Variants in ZFP69 observed in about 807,000 individuals in gnomAD.
ZFP69 encodes ZFP69 zinc finger protein, also known as zinc finger protein 69 homolog.
ZFP69 carries 35 observed loss-of-function variants against 48.9 expected under a neutral mutation model. The observed-to-expected ratio is 0.72, with a 90% CI of 0.55 to 0.95. The LOEUF is 0.95. ZFP69 is among the 40% of genes least tolerant of loss of function. ZFP69 has a pLI of 0.00. For missense variants in ZFP69, 557 were observed against 638.4 expected, an observed-to-expected ratio of 0.87 and a Z score of 1.37; for synonymous variants, 193 against 216.8, an observed-to-expected ratio of 0.89 and a Z score of 0.96.
chr1:40,479,526 C>T (rs373751785), intron 2 of ZFP69, 38 bp downstream of exon 2: 17 of 1,577,420 alleles, frequency 1.1e-5, no homozygotes, highest in Non-Finnish European at 6.0e-6. Flanking sequence ...AAGGGGATCT[C>T]ATTTGTGTGT....
chr1:40,486,373 C>T (rs1187596625), intron 3 of ZFP69, among the ~76,000 whole-genome samples: 1 of 151,302 alleles, frequency 6.6e-6, no homozygotes, highest in Non-Finnish European at 1.5e-5. Flanking sequence ...GCTCTTTCTC[C>T]CTCCCTGCTT....
rs71060386 is a variant in ZFP69 at position 40,484,883 on chromosome 1, C to CTTTTTTTTT, written c.219+3047_219+3055dup. ...GGCATGAGCCACTGCGCCTGGCCTG[C>CTTTTTTTTT]TTTTTTTTTTTTTTTTTTTTTTTTT... is the stretch of plus-strand genomic sequence containing the variant. On this transcript the variant is annotated intron_variant, in intron 3 of 5. Coordinates refer to ENST00000372706, the MANE Select transcript of ZFP69 (RefSeq NM_001320179.2). Among the ~76,000 whole-genome samples the CTTTTTTTTT allele has an allele frequency of 9.0e-5, 4 of 44,384 alleles. 1 individual carries two copies. The highest frequency in any genetic ancestry group is 3.3e-4 in the African/African-American group (3 of 9,046). 29.1% of individuals were successfully genotyped at this position (44,384 alleles called of 152,430 possible). A position where few individuals can be genotyped will look rare whatever the true frequency, so the allele number is the denominator to read the frequency against.
chr1:40,496,197 A>G lies in ZFP69; in HGVS notation c.*138A>G. The G allele has an allele frequency of 1.3e-6, 1 of 785,860 alleles. No individual in the cohort carries two copies. Among genetic ancestry groups the G allele is most frequent in the Non-Finnish European group, 1.9e-6 (1 of 513,798 alleles). The allele number at this position is 785,860 out of a possible 1,614,324, so 48.7% of individuals were successfully genotyped here. On this transcript the variant is annotated 3_prime_UTR_variant, in exon 6 of 6. Coordinates refer to ENST00000372706, the MANE Select transcript of ZFP69 (RefSeq NM_001320179.2). ...TTTTCCCATTGTAAATAAACATTAC[A>G]TTGACAGGTATTGACTACTAACACC... is the stretch of plus-strand genomic sequence containing the variant.
intron 1 of ZFP69, among the ~76,000 whole-genome samples, chr1:40,478,419 C>A (rs1645411093): frequency 1.3e-5 from 2 of 152,088 alleles, no homozygotes; most frequent in South Asian, 4.2e-4. Flanking sequence ...TTTCTGAAAC[C>A]AAGATGCATC....
At chr1:40,492,615 A>G (rs1344121434) in intron 5 of ZFP69, among the ~76,000 whole-genome samples, 4 of 152,224 alleles carry the variant, frequency 2.6e-5, no homozygotes, top group Non-Finnish European at 5.9e-5. Context: ...TTTGAATTAT[A>G]TAATCAGAGC....
At chr1:40,488,060 T>C (rs1394136849) in intron 3 of ZFP69, among the ~76,000 whole-genome samples, 1 of 142,636 alleles carries the variant, frequency 7.0e-6, no homozygotes, top group African/African-American at 2.6e-5. Context: ...AAAAAAAAAG[T>C]GATCTCTAAG....
At chr1:40,484,315 T>A (rs951062423) in intron 3 of ZFP69, among the ~76,000 whole-genome samples, 7 of 151,468 alleles carry the variant, frequency 4.6e-5, no homozygotes, top group African/African-American at 1.7e-4. Context: ...TTCTCCAGCC[T>A]CAGCCTCCCG....
rs115043751 is a variant in ZFP69 at position 40,495,933 on chromosome 1, T to C, written c.1455T>C (p.His485=). The C allele has an allele frequency of 1.7e-4, 270 of 1,614,106 alleles. 2 individuals are homozygous for C. In the African/African-American group the frequency reaches 3.0e-3, roughly 18 times the overall value. ...GGCATGATTCATCCTTTAAAAAACA[T>C]CAGAGACATCACACTGGAGAAAAAC... The part of the protein sequence containing the change: ...AYRHDSSFKK[H]QRHHTGEKPY... Residue 485 remains histidine (H), a synonymous_variant, in exon 6 of 6, where the codon CAT becomes CAC. Coordinates refer to ENST00000372706, the MANE Select transcript of ZFP69 (RefSeq NM_001320179.2).
chr1:40,491,767 G>A (rs982472970), intron 5 of ZFP69, among the ~76,000 whole-genome samples: 42 of 145,244 alleles, frequency 2.9e-4, no homozygotes, highest in Non-Finnish European at 3.7e-4. Flanking sequence ...GTGTGTATGT[G>A]TGTGTGTGTG....
chr1:40,488,727 C>A (rs1645531985), intron 3 of ZFP69, among the ~76,000 whole-genome samples: 1 of 152,168 alleles, frequency 6.6e-6, no homozygotes, highest in Non-Finnish European at 1.5e-5. Flanking sequence ...TGTCTCCGGT[C>A]AAACATCACC....
In ZFP69 at chr1:40,479,325, C is replaced by A; in HGVS notation, c.-37C>A. On this transcript the variant is annotated 5_prime_UTR_variant, in exon 2 of 6. Transcript: ENST00000372706. ...CTCATCAAGAGCTTCTGGCAATTTC[C>A]TCACCAGAAGTGGACAAGTCCAGTA... 1.2e-6 allele frequency: 2 copies of A among 1,611,382 alleles called. No homozygotes were observed. Among genetic ancestry groups the A allele is most frequent in the Non-Finnish European group, 1.7e-6 (2 of 1,178,838 alleles).
rs1157654577 is a variant in ZFP69, at chr1:40,494,548, G to A, written c.443-373G>A. ...CTCCCAAAGTGCTGGGATTACAGGCGTGAGCCACCGCGCCCGGCCCAAATA... is the reference window on the plus strand; with the variant it reads ...CTCCCAAAGTGCTGGGATTACAGGCATGAGCCACCGCGCCCGGCCCAAATA... On this transcript the variant is annotated intron_variant, in intron 5 of 5. Coordinates refer to ENST00000372706, the MANE Select transcript of ZFP69 (RefSeq NM_001320179.2). Among the ~76,000 whole-genome samples the A allele has an allele frequency of 6.8e-5, 10 of 146,920 alleles. 1 individual carries two copies. The South Asian group carries it at 8.4e-4, about 12-fold the overall frequency.
At chr1:40,481,310 A>C (rs1363182261) in intron 2 of ZFP69, among the ~76,000 whole-genome samples, 2 of 152,146 alleles carry the variant, frequency 1.3e-5, no homozygotes, top group East Asian at 3.8e-4. Flanking sequence ...CCCAGGTATA[A>C]AGTAGCAGTA....
intron 5 of ZFP69, among the ~76,000 whole-genome samples, chr1:40,494,025 CAA>C (rs1303393066): frequency 2.0e-5 from 3 of 152,008 alleles, no homozygotes; most frequent in Admixed American, 6.6e-5. Context: ...TACACACACA[CAA>C]GTTTCAATAA....
Position 40,495,085 on chromosome 1 carries a change from G to C in ZFP69, c.607G>C (p.Glu203Gln). The change falls in exon 6 of 6, where the codon GAA (glutamate) becomes CAA (glutamine). Residue 203 changes from glutamate to glutamine, a missense_variant. Glu to Gln is a conservative substitution (Grantham distance 29). Coordinates refer to ENST00000372706, the MANE Select transcript of ZFP69 (RefSeq NM_001320179.2). ...TYDDVLERHQ[E>Q]TCMRDVRQAI... is the part of the protein sequence containing the mutation. Reference sequence around the variant, plus strand: ...TGATGATGTCTTAGAAAGGCACCAGGAAACTTGTATGAGAGATGTGAGACA... The same window carrying C: ...TGATGATGTCTTAGAAAGGCACCAGCAAACTTGTATGAGAGATGTGAGACA... 6.2e-7 allele frequency: 1 copy of C among 1,614,010 alleles called. No homozygotes were observed. Among genetic ancestry groups the C allele is most frequent in the South Asian group, 1.1e-5 (1 of 91,064 alleles).
rs965873092 is a variant in ZFP69, at chr1:40,482,060, C to G, written c.219+206C>G. 7.3e-5 allele frequency among the ~76,000 whole-genome samples: 11 copies of G among 151,146 alleles called. 1 individual carries two copies. The highest frequency in any genetic ancestry group is 3.3e-4 in the Admixed American group (5 of 15,096). The stretch of plus-strand genomic sequence containing the variant: ...TCCCCTACTTATAGGGGTCTCCCTC[C>G]ATGTCACTCTTGTTTCTCACCAACA... On this transcript the variant is annotated intron_variant, in intron 3 of 5. Transcript: ENST00000372706.
intron 1 of ZFP69, among the ~76,000 whole-genome samples, chr1:40,478,806 G>C (rs1040451179): frequency 6.6e-6 from 1 of 152,114 alleles, no homozygotes; most frequent in Non-Finnish European, 1.5e-5. Context: ...CAGGCTGTCT[G>C]ATTTCAAAGC....
Position 40,495,837 on chromosome 1 carries a change from C to T in ZFP69, c.1359C>T (p.His453=), listed in dbSNP as rs1345480122. The stretch of plus-strand genomic sequence containing the variant: ...GAAAAGCCTTTAGGCAGAGGATACA[C>T]CTTAGCAACCATAAAACTGTTCATA... The part of the protein sequence containing the change: ...ECGKAFRQRI[H]LSNHKTVHTG... Residue 453 remains histidine (H), a synonymous_variant, in exon 6 of 6, where the codon CAC becomes CAT. Coordinates refer to ENST00000372706, the MANE Select transcript of ZFP69 (RefSeq NM_001320179.2). 3 of 1,614,174 alleles carry T rather than the reference C, an allele frequency of 1.9e-6. No homozygotes were observed. Among genetic ancestry groups the T allele is most frequent in the Non-Finnish European group, 2.5e-6 (3 of 1,180,026 alleles).
At chr1:40,494,428 C>T (rs1400157775) in intron 5 of ZFP69, among the ~76,000 whole-genome samples, 1 of 145,250 alleles carries the variant, frequency 6.9e-6, no homozygotes, top group Non-Finnish European at 1.5e-5. Context: ...GCCACTACGC[C>T]CGGCTAATTT....
Sources: gnomAD v4.1 joint callset for allele counts (sites outside exome capture counted in the v4.1 genomes callset) on GRCh38, gnomAD v4.1.1 for gene constraint, MANE v1.5 for transcripts, NCBI Gene and HGNC (gene_info 2026-07-23, HGNC 2026-07-21) for gene names.